PAM: variants seen among roughly 807,000 people sequenced by gnomAD.
The protein encoded by PAM is peptidyl-glycine alpha-amidating monooxygenase.
PAM carries 72 observed loss-of-function variants against 122.1 expected under a neutral mutation model. The ratio of observed to expected loss-of-function variants is 0.59; its 90% CI spans 0.49 to 0.72. The LOEUF (loss-of-function observed/expected upper bound fraction) is 0.72, where lower values mean the gene tolerates loss of function less well. Ranked by LOEUF, PAM falls within the 30% of genes least tolerant of loss-of-function variation. PAM has a pLI of 0.00. For missense variants in PAM, 1,106 were observed against 1,183.7 expected (o/e 0.93, Z 0.96); for synonymous variants, 389 against 404.4 (o/e 0.96, Z 0.46).
chr5:102,774,735 G>T (rs1427876637), intron 1 of PAM, among the ~76,000 whole-genome samples: 4 of 151,912 alleles, frequency 2.6e-5, no homozygotes, highest in African/African-American at 7.2e-5. Flanking sequence ...ATTTATAAAG[G>T]TTATCAACCC....
chr5:102,990,083 A>C (rs1773568564), intron 15 of PAM, 189 bp from the exon 16 acceptor site: 1 of 368,252 alleles, frequency 2.7e-6, no homozygotes, highest in Non-Finnish European at 4.8e-6. Context: ...GTTCCCAGTC[A>C]CTTCATCACT....
intron 3 of PAM, among the ~76,000 whole-genome samples, chr5:102,881,767 T>G (rs1248360359): frequency 6.6e-6 from 1 of 151,366 alleles, no homozygotes; most frequent in African/African-American, 2.4e-5. Flanking sequence ...TAGTGGTGAT[T>G]TCTGAGACTT....
chr5:102,952,092 C>A (rs1176337143), intron 12 of PAM, among the ~76,000 whole-genome samples: 1 of 152,014 alleles, frequency 6.6e-6, no homozygotes, highest in African/African-American at 2.4e-5. Flanking sequence ...ATGTTATTAA[C>A]CTTTGTAGTA....
intron 23 of PAM, among the ~76,000 whole-genome samples, chr5:103,020,408 GGA>G (rs954576548): frequency 2.0e-5 from 3 of 152,090 alleles, no homozygotes; most frequent in East Asian, 1.9e-4. Context: ...AGCCTTATAA[GGA>G]GAGAGGGGGA....
chr5:102,900,258 G>GC (rs1164347930), intron 3 of PAM, among the ~76,000 whole-genome samples: 4 of 121,076 alleles, frequency 3.3e-5, no homozygotes, highest in Non-Finnish European at 6.7e-5. Flanking sequence ...TGTGTGTGGG[G>GC]GGGGGGCGGG....
chr5:102,899,873 T>A (rs1797196264), intron 3 of PAM, among the ~76,000 whole-genome samples: 1 of 151,674 alleles, frequency 6.6e-6, no homozygotes, highest in Admixed American at 6.6e-5. Flanking sequence ...CTGGTCCATG[T>A]GGCTGGGCCA....
At chr5:103,001,799 A>G (rs1384962458) in intron 16 of PAM, among the ~76,000 whole-genome samples, 1 of 152,148 alleles carries the variant, frequency 6.6e-6, no homozygotes, top group Non-Finnish European at 1.5e-5. Context: ...GAATGGATTC[A>G]TGACAGATCC....
Position 102,885,094 on chromosome 5 carries a change from T to TATATAA in PAM, c.211-16261_211-16260insTATAAA, listed in dbSNP as rs60241746. ...CTTGTTTAATAACTATATATATATA[T>TATATAA]AACTATAAAAGCTTTACTTGATTAT... On this transcript the variant is annotated intron_variant, in intron 3 of 25. Coordinates refer to ENST00000438793, the MANE Select transcript of PAM (RefSeq NM_001177306.2). Among the ~76,000 whole-genome samples the TATATAA allele has an allele frequency of 6.2e-4, 92 of 147,850 alleles. 1 individual carries two copies. The highest frequency in any genetic ancestry group is 6.9e-3 in the Middle Eastern group (2 of 288).
intron 1 of PAM, among the ~76,000 whole-genome samples, chr5:102,802,545 CAT>C (rs1286135313): frequency 1.3e-5 from 2 of 152,050 alleles, no homozygotes; most frequent in Non-Finnish European, 2.9e-5. Flanking sequence ...AAAGAATTGC[CAT>C]AGAATACTTT....
At chr5:102,819,950 T>C (rs1030172653) in intron 1 of PAM, among the ~76,000 whole-genome samples, 1 of 152,208 alleles carries the variant, frequency 6.6e-6, no homozygotes, top group African/African-American at 2.4e-5. Flanking sequence ...CGCAGTAGAA[T>C]TTCCCCATCA....
At chr5:102,784,593 C>T (rs565329384) in intron 1 of PAM, among the ~76,000 whole-genome samples, 2 of 152,282 alleles carry the variant, frequency 1.3e-5, no homozygotes, top group East Asian at 3.9e-4. Flanking sequence ...CAGATATTCC[C>T]AGCAGAGAAT....
At chr5:102,882,822 A>G (rs963215829) in intron 3 of PAM, among the ~76,000 whole-genome samples, 4 of 152,088 alleles carry the variant, frequency 2.6e-5, no homozygotes, top group East Asian at 3.9e-4. Context: ...GGTTTTTTCA[A>G]TGTTATCTTC....
intron 13 of PAM, 103 bp downstream of exon 13, chr5:102,960,162 C>G: frequency 1.5e-6 from 1 of 655,680 alleles, no homozygotes; most frequent in Admixed American, 3.1e-5. Flanking sequence ...TTCCCTTCTT[C>G]TACCAGTCAC....
At chr5:102,916,742 CTT>C (rs111822491) in intron 5 of PAM, among the ~76,000 whole-genome samples, 1 of 137,420 alleles carries the variant, frequency 7.3e-6, no homozygotes, top group Non-Finnish European at 1.6e-5. Flanking sequence ...ATTTTATATT[CTT>C]TTTTTTTTGA....
chr5:103,022,699 AACCTAGTGTT>A (rs1451324047), intron 23 of PAM, among the ~76,000 whole-genome samples: 1 of 152,082 alleles, frequency 6.6e-6, no homozygotes, highest in Non-Finnish European at 1.5e-5. Flanking sequence ...GTTTTCCAGA[AACCTAGTGTT>A]CTGGCTAATC....
chr5:102,967,725 T>TG (rs1201833033), intron 14 of PAM, among the ~76,000 whole-genome samples: 1 of 150,950 alleles, frequency 6.6e-6, no homozygotes, highest in African/African-American at 2.4e-5. Context: ...CCTTTTTTTT[T>TG]TTTTTTTTGA....
intron 1 of PAM, among the ~76,000 whole-genome samples, chr5:102,828,589 G>A (rs137993077): frequency 1.1e-4 from 16 of 152,098 alleles, no homozygotes; most frequent in East Asian, 9.7e-4. Context: ...TATAAAATGG[G>A]GCTAATAATA....
intron 3 of PAM, among the ~76,000 whole-genome samples, chr5:102,889,787 G>A (rs968611231): frequency 1.3e-5 from 2 of 151,690 alleles, no homozygotes; most frequent in South Asian, 2.1e-4. Flanking sequence ...CCAAGTCAGC[G>A]GTTTCCTTGG....
At chr5:102,865,108 G>A (rs1229599916) in intron 1 of PAM, 1 of 150,780 alleles carries the variant, frequency 6.6e-6, no homozygotes, top group African/African-American at 2.5e-5. Context: ...GATATCTTTT[G>A]GAAGGCATGC....
Sources: allele counts gnomAD v4.1 joint callset (sites outside exome capture counted in the v4.1 genomes callset), GRCh38; gene constraint gnomAD v4.1.1; transcripts MANE v1.5; gene names NCBI Gene and HGNC (gene_info 2026-07-23, HGNC 2026-07-21).